Variants in NRG2 observed in about 807,000 individuals in gnomAD.
The protein encoded by NRG2 is pro-neuregulin-2, membrane-bound isoform.
Under a neutral mutation model 73.9 loss-of-function variants are expected in NRG2, and 27 were observed. The observed-to-expected ratio is 0.37, with a 90% CI of 0.27 to 0.50. NRG2 has a LOEUF of 0.50. Ranked by LOEUF, NRG2 falls within the 20% of genes least tolerant of loss-of-function variation. The pLI is 0.96. For synonymous variants in NRG2, 532 were observed against 541.0 expected, an observed-to-expected ratio of 0.98 and a Z score of 0.23; for missense variants, 1,126 against 1,210.1, an observed-to-expected ratio of 0.93 and a Z score of 1.03.
At chr5:139,900,358 C>T (rs558502448) in intron 1 of NRG2, among the ~76,000 whole-genome samples, 13 of 152,264 alleles carry the variant, frequency 8.5e-5, no homozygotes, top group Admixed American at 5.2e-4. Flanking sequence ...GATGAGTGAA[C>T]GTACATGTAG....
In NRG2 at chr5:139,915,687, G is replaced by C. The variant is rs1751196996; in HGVS notation, c.701-28176C>G. Among the ~76,000 whole-genome samples the C allele has an allele frequency of 6.6e-6, 1 of 152,196 alleles. No individual in the cohort carries two copies. The highest frequency in any genetic ancestry group is 2.4e-5 in the African/African-American group (1 of 41,440). On this transcript the variant is annotated intron_variant, in intron 1 of 9. Transcript: ENST00000361474. This position sits in a 1 kb window ranked among gnomAD's most constrained non-coding sequence, Gnocchi z 4.0. Reference sequence around the variant, plus strand: ...AATATTGTCATTCAATTTACAAGTAGCAGAACTGTATAGCTTAAAAGATTA... The same window carrying C: ...AATATTGTCATTCAATTTACAAGTACCAGAACTGTATAGCTTAAAAGATTA...
At chr5:139,914,511 C>T (rs1236598596) in intron 1 of NRG2, among the ~76,000 whole-genome samples, 1 of 152,188 alleles carries the variant, frequency 6.6e-6, no homozygotes, top group African/African-American at 2.4e-5. Context: ...CACATGCACA[C>T]CCACCTCCAA....
At chr5:139,876,518 C>T (rs1364528277) in intron 3 of NRG2, among the ~76,000 whole-genome samples, 1 of 151,890 alleles carries the variant, frequency 6.6e-6, no homozygotes, top group South Asian at 2.1e-4. Context: ...AAAAAGCACC[C>T]GGGAGGAGTA....
chr5:140,015,038 T>C (rs1471346917), intron 1 of NRG2, among the ~76,000 whole-genome samples: 1 of 152,196 alleles, frequency 6.6e-6, no homozygotes, highest in African/African-American at 2.4e-5. Context: ...TCTACCTGCC[T>C]AGCTCCCTTA....
Position 139,933,395 on chromosome 5 carries a change from A to G in NRG2, c.701-45884T>C, listed in dbSNP as rs545240697. On this transcript the variant is annotated intron_variant, in intron 1 of 9. Coordinates refer to ENST00000361474, the MANE Select transcript of NRG2 (RefSeq NM_004883.3). Reference sequence around the variant, plus strand: ...CATGCAAATAACAAAAGTAAAAACTAAAAGCAGAAGGCTGGAAATTACACA... The same window carrying G: ...CATGCAAATAACAAAAGTAAAAACTGAAAGCAGAAGGCTGGAAATTACACA... Among the ~76,000 whole-genome samples the G allele has an allele frequency of 7.9e-5, 12 of 152,368 alleles. No individual in the cohort carries two copies. In the East Asian group the frequency reaches 2.3e-3, roughly 29 times the overall value.
chr5:139,864,979 G>A (rs1164295369), intron 5 of NRG2: 2 of 778,136 alleles, frequency 2.6e-6, no homozygotes, highest in Middle Eastern at 2.4e-4. Context: ...GGGTGCCGGG[G>A]GTGTTTCCGT....
At chr5:139,987,978 G>C (rs1757302868) in intron 1 of NRG2, among the ~76,000 whole-genome samples, 1 of 152,176 alleles carries the variant, frequency 6.6e-6, no homozygotes, top group Non-Finnish European at 1.5e-5. Flanking sequence ...GTTTCACCGT[G>C]TTAGACAGGA....
intron 1 of NRG2, among the ~76,000 whole-genome samples, chr5:139,900,565 G>T (rs1581900613): frequency 6.6e-6 from 1 of 152,316 alleles, no homozygotes; most frequent in East Asian, 1.9e-4. Context: ...TCATGCTTTG[G>T]CAATGCTTTG....
At chr5:139,886,850 CCAAT>C (rs1439146205) in intron 2 of NRG2, among the ~76,000 whole-genome samples, 2 of 152,334 alleles carry the variant, frequency 1.3e-5, no homozygotes, top group South Asian at 2.1e-4. Flanking sequence ...TTCTCCAACA[CCAAT>C]CAAAGTGTTG....
chr5:139,864,026 C>A (rs1409286146), intron 5 of NRG2, among the ~76,000 whole-genome samples: 1 of 152,210 alleles, frequency 6.6e-6, no homozygotes, highest in Non-Finnish European at 1.5e-5. Flanking sequence ...CTGGATCCCA[C>A]CTTTAGCACC....
intron 1 of NRG2, among the ~76,000 whole-genome samples, chr5:139,973,853 T>C (rs1005924641): frequency 7.2e-5 from 11 of 152,074 alleles, no homozygotes; most frequent in African/African-American, 2.4e-4. Flanking sequence ...AAATGAAACA[T>C]GGGGCAGGTT....
chr5:139,887,302 C>A lies in NRG2; in HGVS notation c.872+38G>T, dbSNP rs751999438. ...CACTCCTTCTCGAGAGGAGGGAGGG[C>A]AGCTGCTTGGATGGAGGACAGGCTG... On this transcript the variant is annotated intron_variant, in intron 2 of 9. Transcript: ENST00000361474. The surrounding 1 kb of genome is among the most constrained non-coding windows in gnomAD (Gnocchi z 4.5). The A allele has an allele frequency of 3.7e-6, 6 of 1,607,802 alleles. No homozygotes were observed. The highest frequency in any genetic ancestry group is 2.6e-6 in the Non-Finnish European group (3 of 1,175,744).
chr5:140,041,186 A>G (rs1201804963), intron 1 of NRG2, among the ~76,000 whole-genome samples: 1 of 152,228 alleles, frequency 6.6e-6, no homozygotes, highest in African/African-American at 2.4e-5. Context: ...AAAACTGGTA[A>G]ACATACCAAC....
chr5:139,886,767 A>G (rs1763898180), intron 2 of NRG2, among the ~76,000 whole-genome samples: 1 of 152,166 alleles, frequency 6.6e-6, no homozygotes, highest in Admixed American at 6.5e-5. Flanking sequence ...TCTCTGATTC[A>G]CTTCCCTGGA....
chr5:139,987,209 T>C (rs573051771), intron 1 of NRG2, among the ~76,000 whole-genome samples: 9 of 137,012 alleles, frequency 6.6e-5, no homozygotes, highest in Non-Finnish European at 1.4e-4. Flanking sequence ...CCATCTCTAC[T>C]AAAATACAAA....
intron 5 of NRG2, among the ~76,000 whole-genome samples, chr5:139,864,204 C>CG (rs1338632802): frequency 6.6e-6 from 1 of 152,078 alleles, no homozygotes; most frequent in Non-Finnish European, 1.5e-5. Context: ...TGCAAGCCAG[C>CG]GGACCCCTGG....
chr5:139,926,167 T>C (rs182879885), intron 1 of NRG2, among the ~76,000 whole-genome samples: 1 of 152,274 alleles, frequency 6.6e-6, no homozygotes, highest in East Asian at 1.9e-4. Context: ...CACGCGAAGA[T>C]TTGCTTCTTT....
At chr5:139,881,449 C>G (rs1204073771) in intron 2 of NRG2, among the ~76,000 whole-genome samples, 1 of 152,212 alleles carries the variant, frequency 6.6e-6, no homozygotes, top group Non-Finnish European at 1.5e-5. Flanking sequence ...GCCCAGACTC[C>G]TAGTCCAAAC....
At chr5:139,871,877 G>C (rs931743481) in intron 3 of NRG2, 36 bp from the exon 4 acceptor site, 2 of 1,608,334 alleles carry the variant, frequency 1.2e-6, no homozygotes, top group Admixed American at 1.7e-5. Flanking sequence ...GTGACGCACT[G>C]AGACTATCCC....
Sources: allele counts gnomAD v4.1 joint callset (sites outside exome capture counted in the v4.1 genomes callset), GRCh38; gene constraint gnomAD v4.1.1; non-coding constraint Gnocchi (gnomAD v3.1); transcripts MANE v1.5; gene names NCBI Gene and HGNC (gene_info 2026-07-23, HGNC 2026-07-21).